GRM8: variants seen among roughly 807,000 people sequenced by gnomAD.
The protein encoded by GRM8 is metabotropic glutamate receptor 8.
Under a neutral mutation model 87.2 loss-of-function variants are expected in GRM8, and 47 were observed. That is an observed-to-expected ratio of 0.54 (90% CI 0.43 to 0.69). The LOEUF is 0.69. Ranked by LOEUF, GRM8 falls within the 30% of genes least tolerant of loss-of-function variation. The probability of loss-of-function intolerance (pLI) is 0.00; values close to 1 mark genes in which losing one functional copy is unlikely to be tolerated. For missense variants in GRM8, 1,019 were observed against 1,139.2 expected, an observed-to-expected ratio of 0.89 and a Z score of 1.52; for synonymous variants, 396 against 404.5, an observed-to-expected ratio of 0.98 and a Z score of 0.25.
chr7:126,897,969 C>G (rs970428183), intron 6 of GRM8, among the ~76,000 whole-genome samples: 3 of 152,136 alleles, frequency 2.0e-5, no homozygotes, highest in African/African-American at 4.8e-5. Flanking sequence ...AGAAGTCCCT[C>G]CCTGCTGGGA....
intron 1 of GRM8, among the ~76,000 whole-genome samples, chr7:127,246,787 C>G (rs1798605350): frequency 6.6e-6 from 1 of 152,214 alleles, no homozygotes; most frequent in Admixed American, 6.5e-5. Flanking sequence ...ATTTTCTACA[C>G]ACCTTCTCTG....
At chr7:126,756,876 A>G (rs1585803835) in intron 7 of GRM8, among the ~76,000 whole-genome samples, 1 of 152,130 alleles carries the variant, frequency 6.6e-6, no homozygotes. Context: ...AAACTGCTCT[A>G]CAAAATGAAG....
intron 8 of GRM8, among the ~76,000 whole-genome samples, chr7:126,537,026 T>C (rs1197870053): frequency 6.6e-6 from 1 of 152,212 alleles, no homozygotes; most frequent in Non-Finnish European, 1.5e-5. Flanking sequence ...TTTCATTACA[T>C]AGGATAACTA....
chr7:127,198,503 G>GC (rs1795411480), intron 2 of GRM8, among the ~76,000 whole-genome samples: 1 of 152,108 alleles, frequency 6.6e-6, no homozygotes, highest in Non-Finnish European at 1.5e-5. Context: ...TTCTTATAAA[G>GC]CACCCTGTGC....
chr7:126,551,922 A>C (rs559166696), intron 8 of GRM8, among the ~76,000 whole-genome samples: 16 of 152,070 alleles, frequency 1.1e-4, no homozygotes, highest in African/African-American at 3.6e-4. Flanking sequence ...AAACATTAGT[A>C]ACCTGACTTT....
chr7:126,729,072 G>T (rs1319928609), intron 7 of GRM8, among the ~76,000 whole-genome samples: 3 of 152,148 alleles, frequency 2.0e-5, no homozygotes, highest in Non-Finnish European at 4.4e-5. Context: ...GCCCTTGAGT[G>T]CAATGGCAAG....
chr7:126,836,270 A>T (rs940615233), intron 6 of GRM8, among the ~76,000 whole-genome samples: 2 of 152,174 alleles, frequency 1.3e-5, no homozygotes, highest in Non-Finnish European at 2.9e-5. Flanking sequence ...TACTCATTGT[A>T]TATAAGAAAA....
intron 6 of GRM8, among the ~76,000 whole-genome samples, chr7:126,857,122 G>A (rs1318365328): frequency 6.6e-6 from 1 of 152,184 alleles, no homozygotes; most frequent in Non-Finnish European, 1.5e-5. Flanking sequence ...ACTCACTAGA[G>A]AAACTATGCC....
intron 8 of GRM8, among the ~76,000 whole-genome samples, chr7:126,544,961 CA>C (rs1816975234): frequency 6.6e-6 from 1 of 152,170 alleles, no homozygotes; most frequent in African/African-American, 2.4e-5. Flanking sequence ...AGCAAAAAGT[CA>C]AAAGCCACCA....
intron 2 of GRM8, among the ~76,000 whole-genome samples, chr7:127,111,502 C>A (rs1171197044): frequency 6.6e-6 from 1 of 152,042 alleles, no homozygotes; most frequent in East Asian, 1.9e-4. Flanking sequence ...AGAAGGCATG[C>A]CTTTTTCATG....
intron 9 of GRM8, among the ~76,000 whole-genome samples, chr7:126,456,879 C>T (rs892411804): frequency 6.6e-6 from 1 of 151,228 alleles, no homozygotes; most frequent in Non-Finnish European, 1.5e-5. Flanking sequence ...AAAAGATTAC[C>T]AGCCAGGCAT....
chr7:126,732,427 G>C (rs1400515862), intron 7 of GRM8, among the ~76,000 whole-genome samples: 1 of 152,102 alleles, frequency 6.6e-6, no homozygotes, highest in Non-Finnish European at 1.5e-5. Flanking sequence ...TGCATCTTGT[G>C]TGAATTGTGC....
At chr7:127,194,403 T>C (rs1471629545) in intron 2 of GRM8, among the ~76,000 whole-genome samples, 1 of 152,184 alleles carries the variant, frequency 6.6e-6, no homozygotes, top group Non-Finnish European at 1.5e-5. Context: ...GGGTGTCAGA[T>C]TAGGTTATCT....
chr7:126,937,491 T>A (rs1275075305), intron 3 of GRM8, among the ~76,000 whole-genome samples: 1 of 152,054 alleles, frequency 6.6e-6, no homozygotes, highest in African/African-American at 2.4e-5. Flanking sequence ...AAGCAAGCTG[T>A]ACAAGGAGGG....
At chr7:126,868,352 C>T (rs1378637033) in intron 6 of GRM8, among the ~76,000 whole-genome samples, 1 of 152,242 alleles carries the variant, frequency 6.6e-6, no homozygotes, top group Non-Finnish European at 1.5e-5. Flanking sequence ...GTGCAGATCA[C>T]AGATCTGAGG....
chr7:126,567,056 G>A (rs1585074016), intron 8 of GRM8, among the ~76,000 whole-genome samples: 3 of 152,126 alleles, frequency 2.0e-5, no homozygotes, highest in East Asian at 3.9e-4. Context: ...TTCATAGAAT[G>A]AGAGTGGGAT....
chr7:127,011,478 T>C (rs1814889912), intron 3 of GRM8, among the ~76,000 whole-genome samples: 1 of 152,196 alleles, frequency 6.6e-6, no homozygotes, highest in Admixed American at 6.5e-5. Context: ...TCATGATATA[T>C]AATGTTTATT....
At chr7:126,655,034 A>G (rs1173870630) in intron 7 of GRM8, among the ~76,000 whole-genome samples, 1 of 152,236 alleles carries the variant, frequency 6.6e-6, no homozygotes, top group East Asian at 1.9e-4. Flanking sequence ...AACAGAACTG[A>G]GAAAATTTGG....
chr7:127,055,255 G>C (rs1035724400), intron 3 of GRM8, among the ~76,000 whole-genome samples: 1 of 151,976 alleles, frequency 6.6e-6, no homozygotes, highest in Non-Finnish European at 1.5e-5. Context: ...GAAGGACATG[G>C]CATCTATCTT....
Sources: gnomAD v4.1 joint callset for allele counts (sites outside exome capture counted in the v4.1 genomes callset) on GRCh38, gnomAD v4.1.1 for gene constraint, MANE v1.5 for transcripts, NCBI Gene and HGNC (gene_info 2026-07-23, HGNC 2026-07-21) for gene names.